The following LPIN1 variants were observed in gnomAD, a reference collection of about 807,000 sequenced individuals.
LPIN1 encodes phosphatidate phosphatase LPIN1.
Under a neutral mutation model 107.5 loss-of-function variants are expected in LPIN1, and 71 were observed. That is an observed-to-expected ratio of 0.66 (90% CI 0.55 to 0.80). LPIN1 has a LOEUF of 0.80. Among genes scored for constraint, LPIN1 ranks in the 30% least tolerant of loss-of-function variants. LPIN1 has a pLI of 0.00. For missense variants in LPIN1, 1,043 were observed against 1,160.6 expected, an observed-to-expected ratio of 0.90 and a Z score of 1.47; for synonymous variants, 445 against 452.6, an observed-to-expected ratio of 0.98 and a Z score of 0.21.
At chr2:11,741,461 T>A in intron 2 of LPIN1, 1 of 1,422,392 alleles carries the variant, frequency 7.0e-7, no homozygotes, top group East Asian at 2.5e-5. Context: ...TCTATTACTG[T>A]TAAGGTGTTA....
At chr2:11,821,982 T>A (rs1274017017) in intron 20 of LPIN1, among the ~76,000 whole-genome samples, 1 of 152,174 alleles carries the variant, frequency 6.6e-6, no homozygotes, top group East Asian at 1.9e-4. Flanking sequence ...CCTCCACTGT[T>A]CTAAGTGGCT....
rs59510408 is a variant in LPIN1, at chr2:11,725,259, TCAAAAACAAAAA to T, written c.-72+737_-72+748del. 4.8e-3 allele frequency among the ~76,000 whole-genome samples: 729 copies of T among 151,152 alleles called. 1 individual carries two copies. The highest frequency in any genetic ancestry group is 8.6e-3 in the Non-Finnish European group (584 of 67,976). ...CTGGGGGACAGAGCGAGACTCCGTC[TCAAAAACAAAAA>T]CAAAAACAAAAACAAACAAACAAAC... On this transcript the variant is annotated intron_variant, in intron 1 of 21. Coordinates refer to the LPIN1 transcript ENST00000396097.
intron 1 of LPIN1, among the ~76,000 whole-genome samples, chr2:11,730,282 C>G (rs1001204746): frequency 6.6e-6 from 1 of 152,106 alleles, no homozygotes; most frequent in South Asian, 2.1e-4. Context: ...CCGCTGAGGC[C>G]GTTGCTCACC....
intron 1 of LPIN1, among the ~76,000 whole-genome samples, chr2:11,686,603 G>T (rs1558716663): frequency 6.6e-6 from 1 of 152,130 alleles, no homozygotes; most frequent in Non-Finnish European, 1.5e-5. Context: ...AGGGTGGGTA[G>T]CCATGGCCTG....
Position 11,773,724 on chromosome 2 carries a change from G to T in LPIN1, c.701G>T (p.Arg234Ile), listed in dbSNP as rs778466664. 1.2e-6 allele frequency: 2 copies of T among 1,614,032 alleles called. No homozygotes were observed. Among genetic ancestry groups the T allele is most frequent in the East Asian group, 4.5e-5 (2 of 44,862 alleles). Residue 234 changes from arginine to isoleucine, a missense_variant, in exon 5 of 21, where the codon AGA becomes ATA. By Grantham distance (97) the Arg-to-Ile change is moderately conservative. Coordinates refer to ENST00000674199, the MANE Select transcript of LPIN1 (RefSeq NM_001349206.2). ...PQSASYPNSD[R>I]EWSPTPSSLV... is the part of the protein sequence containing the mutation. ...TCAGCCTCATACCCTAATTCGGATAGAGAGTGGTCACCCACTCCCAGGTAA... is the reference window on the plus strand; with the variant it reads ...TCAGCCTCATACCCTAATTCGGATATAGAGTGGTCACCCACTCCCAGGTAA...
In LPIN1 at chr2:11,763,730, T is replaced by TCC. The variant is rs1415696755; in HGVS notation, c.-9-1803_-9-1802insCC. Among the ~76,000 whole-genome samples the TCC allele has an allele frequency of 3.8e-4, 58 of 152,104 alleles. 1 individual carries two copies. Among genetic ancestry groups the TCC allele is most frequent in the African/African-American group, 1.3e-3 (52 of 41,496 alleles). On this transcript the variant is annotated intron_variant, in intron 1 of 20. Transcript: ENST00000674199. ...TTTCGCACTCTCCATTCTTCCCTAG[T>TCC]GCACATTCTGTGTTCTGGGTGCAGC...
intron 1 of LPIN1, among the ~76,000 whole-genome samples, chr2:11,725,441 T>C (rs1664537070): frequency 6.6e-6 from 1 of 152,136 alleles, no homozygotes; most frequent in Non-Finnish European, 1.5e-5. Context: ...GAACAATAGG[T>C]ACCGGAACTT....
chr2:11,735,428 A>T (rs917308188), intron 1 of LPIN1, among the ~76,000 whole-genome samples: 1 of 152,168 alleles, frequency 6.6e-6, no homozygotes, highest in Non-Finnish European at 1.5e-5. Context: ...GTTAAAGGAA[A>T]ATTCAATTTT....
intron 1 of LPIN1, among the ~76,000 whole-genome samples, chr2:11,764,457 A>G (rs1051606168): frequency 4.3e-4 from 65 of 152,130 alleles, no homozygotes; most frequent in African/African-American, 1.5e-3. Flanking sequence ...AGTTCCTTGT[A>G]TATTACCTGT....
chr2:11,755,744 CAG>C (rs1351360451), intron 1 of LPIN1, among the ~76,000 whole-genome samples: 1 of 146,460 alleles, frequency 6.8e-6, no homozygotes, highest in Non-Finnish European at 1.5e-5. Context: ...TTTTTTGAGA[CAG>C]AGTCTCGCTC....
chr2:11,697,882 T>A lies in LPIN1; in HGVS notation c.82-15874T>A, dbSNP rs1351630702. On this transcript the variant is annotated intron_variant, in intron 1 of 21. Coordinates refer to the LPIN1 transcript ENST00000449576. The surrounding 1 kb of genome is among the most constrained non-coding windows in gnomAD (Gnocchi z 4.6). ...AGCGAGTGTGCTCAGAAATGCAGGT[T>A]CTCCCGAGGGGCAGCCCTCAGTCAC... Among the ~76,000 whole-genome samples, 1 of 152,006 alleles carries A rather than the reference T, an allele frequency of 6.6e-6. No homozygotes were observed. The highest frequency in any genetic ancestry group is 1.5e-5 in the Non-Finnish European group (1 of 68,014).
At chr2:11,677,987 A>G (rs1661518212) in intron 1 of LPIN1, among the ~76,000 whole-genome samples, 1 of 152,238 alleles carries the variant, frequency 6.6e-6, no homozygotes, top group Non-Finnish European at 1.5e-5. Context: ...TTTGCCTTGG[A>G]TGGAAAATGC....
chr2:11,713,700 AC>A (rs1320698297), intron 1 of LPIN1: 1 of 1,045,722 alleles, frequency 9.6e-7, no homozygotes, highest in African/African-American at 1.6e-5. Flanking sequence ...AACCATTACC[AC>A]CACCTAATTC....
intron 16 of LPIN1, among the ~76,000 whole-genome samples, chr2:11,804,859 C>T (rs544217844): frequency 1.8e-4 from 27 of 152,244 alleles, no homozygotes; most frequent in African/African-American, 6.3e-4. Flanking sequence ...AAGCCGGTCA[C>T]CTCGATGCAT....
chr2:11,748,638 G>A (rs1265311857), intron 1 of LPIN1, among the ~76,000 whole-genome samples: 1 of 152,208 alleles, frequency 6.6e-6, no homozygotes, highest in Non-Finnish European at 1.5e-5. Context: ...GCCGGCCTCT[G>A]CTCTGTAAAT....
intron 12 of LPIN1, among the ~76,000 whole-genome samples, chr2:11,791,546 T>C (rs1675726244): frequency 6.6e-6 from 1 of 152,254 alleles, no homozygotes; most frequent in African/African-American, 2.4e-5. Context: ...TATTTGATAA[T>C]CATCATATTG....
At chr2:11,730,440 C>T (rs192073648) in intron 1 of LPIN1, among the ~76,000 whole-genome samples, 6 of 152,294 alleles carry the variant, frequency 3.9e-5, no homozygotes, top group African/African-American at 1.4e-4. Context: ...GAGACATCAA[C>T]GTATTAAGCA....
At chr2:11,730,197 C>G (rs932707008) in intron 1 of LPIN1, among the ~76,000 whole-genome samples, 7 of 152,038 alleles carry the variant, frequency 4.6e-5, no homozygotes, top group Non-Finnish European at 1.0e-4. Flanking sequence ...CTCTGTGTTT[C>G]AGTTTGGGTA....
At chr2:11,773,356 G>A (rs1268773720) in intron 4 of LPIN1, among the ~76,000 whole-genome samples, 1 of 152,164 alleles carries the variant, frequency 6.6e-6, no homozygotes, top group Non-Finnish European at 1.5e-5. Context: ...ATCCAGCAGT[G>A]TGATCACTGC....
Sources: allele counts gnomAD v4.1 joint callset (sites outside exome capture counted in the v4.1 genomes callset), GRCh38; gene constraint gnomAD v4.1.1; non-coding constraint Gnocchi (gnomAD v3.1); transcripts MANE v1.5; gene names NCBI Gene and HGNC (gene_info 2026-07-23, HGNC 2026-07-21).